KIAA1671: variants seen among roughly 807,000 people sequenced by gnomAD.
KIAA1671 encodes the protein uncharacterized protein KIAA1671.
In KIAA1671, 52 loss-of-function variants were observed where a neutral mutation model predicts 131.2. The ratio of observed to expected loss-of-function variants is 0.40; its 90% confidence interval spans 0.32 to 0.50. The LOEUF is 0.50. KIAA1671 is among the 20% of genes least tolerant of loss of function. The pLI is 0.73. For synonymous variants in KIAA1671, 1,003 were observed against 961.6 expected (o/e 1.04, Z -0.80); for missense variants, 2,360 against 2,364.2 (o/e 1.00, Z 0.04).
chr22:25,133,945 C>T (rs1932562724), intron 6 of KIAA1671, among the ~76,000 whole-genome samples: 1 of 152,238 alleles, frequency 6.6e-6, no homozygotes, highest in South Asian at 2.1e-4. Flanking sequence ...TGCAAAGATA[C>T]TGGCCTGAGA....
intron 6 of KIAA1671, among the ~76,000 whole-genome samples, chr22:25,104,035 G>C (rs761201401): frequency 1.4e-4 from 21 of 152,032 alleles, no homozygotes; most frequent in Non-Finnish European, 2.8e-4. Context: ...CTGGAGTGCA[G>C]TGGCGCAATC....
chr22:25,034,243 G>A (rs1926465739), intron 4 of KIAA1671, among the ~76,000 whole-genome samples: 4 of 151,452 alleles, frequency 2.6e-5, no homozygotes, highest in Admixed American at 6.6e-5. Context: ...ACGGGGTTTC[G>A]CTGTGTTGGC....
rs569946593 is a variant in KIAA1671 at position 25,125,579 on chromosome 22, G to T, written c.4531-45241G>T. Among the ~76,000 whole-genome samples, 8 of 152,258 alleles carry T rather than the reference G, an allele frequency of 5.3e-5. No homozygotes were observed. The South Asian group carries it at 1.7e-3, about 32-fold the overall frequency. Reference sequence around the variant, plus strand: ...GGTTTCACACCATGGTGACATTGACGTTCGGGGCTGGATAATTCTCTGTCA... The same window carrying T: ...GGTTTCACACCATGGTGACATTGACTTTCGGGGCTGGATAATTCTCTGTCA... On this transcript the variant is annotated intron_variant, in intron 6 of 12. Transcript: ENST00000358431.
chr22:25,040,309 C>T lies in KIAA1671; in HGVS notation c.3179C>T (p.Pro1060Leu). The change falls in exon 5 of 13, where the codon CCA (proline) becomes CTA (leucine). Residue 1060 changes from proline to leucine, a missense_variant. Pro to Leu is a moderately conservative substitution (Grantham distance 98). Coordinates refer to ENST00000358431, the MANE Select transcript of KIAA1671 (RefSeq NM_001145206.2). The stretch of plus-strand genomic sequence containing the variant: ...CTGGAACATTCTAGAAAAATCACTC[C>T]ACCCTCGTCTCCTCATTCTTTAACA... Reference protein sequence around the residue: ...SLLEHSRKITPPSSPHSLTST... With the variant: ...SLLEHSRKITLPSSPHSLTST... 1.3e-6 allele frequency: 2 copies of T among 1,551,742 alleles called. No individual in the cohort carries two copies. The highest frequency in any genetic ancestry group is 1.7e-6 in the Non-Finnish European group (2 of 1,147,014).
intron 6 of KIAA1671, chr22:25,061,687 G>T (rs558104755): frequency 7.9e-5 from 12 of 152,448 alleles, no homozygotes; most frequent in African/African-American, 2.9e-4. Context: ...CTGGATGACA[G>T]TGTGAGGCAG....
chr22:25,173,407 G>A (rs763893415), intron 7 of KIAA1671, among the ~76,000 whole-genome samples: 5 of 152,182 alleles, frequency 3.3e-5, no homozygotes, highest in Non-Finnish European at 7.3e-5. Flanking sequence ...TAAGTGCTCA[G>A]TAGATTTTTA....
Position 25,105,548 on chromosome 22 carries a change from T to TG in KIAA1671, c.4530+56191dup, listed in dbSNP as rs562075614. Among the ~76,000 whole-genome samples, 12 of 152,268 alleles carry TG rather than the reference T, an allele frequency of 7.9e-5. No homozygotes were observed. The South Asian group carries it at 1.7e-3, about 21-fold the overall frequency. On this transcript the variant is annotated intron_variant, in intron 6 of 12. Coordinates refer to ENST00000358431, the MANE Select transcript of KIAA1671 (RefSeq NM_001145206.2). ...AGAAGACTTTGCAGAAAAAGTCCTC[T>TG]GGGGGGGAAAATGCTTGTGCTGCCC...
chr22:25,024,978 CTG>C (rs2123896303), intron 1 of KIAA1671, among the ~76,000 whole-genome samples: 1 of 150,784 alleles, frequency 6.6e-6, no homozygotes, highest in Non-Finnish European at 1.5e-5. Context: ...TGGTCTGTGT[CTG>C]TGTGTGAGCA....
intron 6 of KIAA1671, among the ~76,000 whole-genome samples, chr22:25,145,968 A>G (rs1242559199): frequency 6.6e-6 from 1 of 151,904 alleles, no homozygotes; most frequent in Non-Finnish European, 1.5e-5. Context: ...AAACAACAAC[A>G]AGCTGGATTA....
At chr22:25,032,567 C>T (rs1367121003) in intron 3 of KIAA1671, 42 bp from the exon 4 acceptor site, 14 of 1,329,504 alleles carry the variant, frequency 1.1e-5, no homozygotes, top group Middle Eastern at 3.6e-4. Context: ...GGGGGAATAA[C>T]AGCTTCCAGC....
chr22:25,068,923 C>T (rs1424144974), intron 6 of KIAA1671, among the ~76,000 whole-genome samples: 1 of 152,208 alleles, frequency 6.6e-6, no homozygotes, highest in Non-Finnish European at 1.5e-5. Context: ...TGAACACCTC[C>T]CCCGCCTCAG....
At chr22:25,078,019 A>G (rs1478968641) in intron 6 of KIAA1671, among the ~76,000 whole-genome samples, 1 of 152,230 alleles carries the variant, frequency 6.6e-6, no homozygotes, top group African/African-American at 2.4e-5. Context: ...TTATTATTTT[A>G]CCGAAGAGAA....
At chr22:25,154,656 G>A (rs1025662896) in intron 6 of KIAA1671, among the ~76,000 whole-genome samples, 2 of 152,208 alleles carry the variant, frequency 1.3e-5, no homozygotes, top group African/African-American at 4.8e-5. Flanking sequence ...ATGTCAGCCC[G>A]ACTGGTTTTC....
At chr22:25,081,356 C>A (rs916962741) in intron 6 of KIAA1671, among the ~76,000 whole-genome samples, 3 of 152,208 alleles carry the variant, frequency 2.0e-5, no homozygotes, top group African/African-American at 7.2e-5. Context: ...TGACATTGAA[C>A]AGGTGACTTC....
intron 6 of KIAA1671, among the ~76,000 whole-genome samples, chr22:25,101,398 G>A (rs1930661287): frequency 2.6e-5 from 4 of 152,292 alleles, no homozygotes; most frequent in South Asian, 2.1e-4. Flanking sequence ...CATGGAAAAC[G>A]CTGCTTTCTA....
At chr22:25,143,055 G>T (rs1426422895) in intron 6 of KIAA1671, among the ~76,000 whole-genome samples, 2 of 152,138 alleles carry the variant, frequency 1.3e-5, no homozygotes, top group African/African-American at 4.8e-5. Context: ...CTGATGAGGG[G>T]CTGTGATCTT....
chr22:24,955,277 G>C (rs912048988), intron 1 of KIAA1671, among the ~76,000 whole-genome samples: 2 of 152,218 alleles, frequency 1.3e-5, no homozygotes, highest in Non-Finnish European at 2.9e-5. Context: ...CTGTGTCAAA[G>C]ATGAGGCTAG....
intron 6 of KIAA1671, among the ~76,000 whole-genome samples, chr22:25,115,308 A>C (rs1931596135): frequency 6.6e-6 from 1 of 152,184 alleles, no homozygotes; most frequent in Non-Finnish European, 1.5e-5. Flanking sequence ...GACTGGAATA[A>C]AAGCGGGAAG....
rs112218445 is a variant in KIAA1671, at chr22:25,109,447, G to A, written c.4530+60083G>A. Among the ~76,000 whole-genome samples the A allele has an allele frequency of 4.5e-3, 692 of 152,104 alleles. 6 individuals are homozygous for A. The highest frequency in any genetic ancestry group is 0.016 in the African/African-American group (668 of 41,508). On this transcript the variant is annotated intron_variant, in intron 6 of 12. Coordinates refer to ENST00000358431, the MANE Select transcript of KIAA1671 (RefSeq NM_001145206.2). ...TACTCAGACGTGAGCCACCGCGCCCGGCCCATCACTTCTTTATTCTGCTAA... is the reference window on the plus strand; with the variant it reads ...TACTCAGACGTGAGCCACCGCGCCCAGCCCATCACTTCTTTATTCTGCTAA...
Sources: allele counts gnomAD v4.1 joint callset (sites outside exome capture counted in the v4.1 genomes callset), GRCh38; gene constraint gnomAD v4.1.1; transcripts MANE v1.5; gene names NCBI Gene and HGNC (gene_info 2026-07-23, HGNC 2026-07-21).